The following UPP2 variants were observed in gnomAD, a reference collection of about 807,000 sequenced individuals.
The protein encoded by UPP2 is uridine phosphorylase 2.
UPP2 carries 23 observed loss-of-function variants against 26.7 expected under a neutral mutation model. The observed-to-expected ratio is 0.86, with a 90% CI of 0.62 to 1.22. The LOEUF (loss-of-function observed/expected upper bound fraction) is 1.22, where lower values mean the gene tolerates loss of function less well. Ranked by LOEUF, UPP2 falls within the 50% of genes most tolerant of loss-of-function variation. The pLI is 0.00. For missense variants in UPP2, 387 were observed against 396.7 expected, an observed-to-expected ratio of 0.98 and a Z score of 0.21; for synonymous variants, 127 against 141.3, an observed-to-expected ratio of 0.90 and a Z score of 0.72.
intron 3 of UPP2, among the ~76,000 whole-genome samples, chr2:158,025,783 G>C (rs1399436135): frequency 2.6e-5 from 4 of 152,234 alleles, no homozygotes; most frequent in Admixed American, 6.5e-5. Context: ...CTCCTGGCCA[G>C]AGCCTCACAC....
chr2:158,051,703 C>A (rs1271162443), intron 3 of UPP2, among the ~76,000 whole-genome samples: 2 of 152,060 alleles, frequency 1.3e-5, no homozygotes, highest in African/African-American at 4.8e-5. Flanking sequence ...ATCGCTTGAA[C>A]CCAGGAGGCG....
chr2:158,117,879 T>C lies in UPP2; in HGVS notation c.395T>C (p.Leu132Pro). The C allele has an allele frequency of 1.9e-6, 3 of 1,613,334 alleles. No homozygotes were observed. Among genetic ancestry groups the C allele is most frequent in the Non-Finnish European group, 2.5e-6 (3 of 1,179,326 alleles). ...ATGCTTCATGAACTCATCAAATTAC[T>C]CCACCATGCACGGTGCTGCGATGTC... ...SIMLHELIKL[L>P]HHARCCDVTI... The change falls in exon 4 of 7, where the codon CTC becomes CCC. Residue 132 changes from leucine (L) to proline (P), a missense_variant. By Grantham distance (98) the Leu-to-Pro change is moderately conservative. Transcript: ENST00000005756.
chr2:158,051,581 G>A (rs1682159712), intron 3 of UPP2, among the ~76,000 whole-genome samples: 1 of 152,118 alleles, frequency 6.6e-6, no homozygotes. Context: ...AGGAGTTCAA[G>A]ACCAGCCTGG....
At chr2:158,104,301 T>C (rs949659945) in intron 1 of UPP2, among the ~76,000 whole-genome samples, 1 of 152,018 alleles carries the variant, frequency 6.6e-6, no homozygotes, top group African/African-American at 2.4e-5. Flanking sequence ...AGAGGTAATA[T>C]TTGAATTGGA....
chr2:158,099,958 A>G (rs6746349), upstream of UPP2, among the ~76,000 whole-genome samples: 117,334 of 152,078 alleles, frequency 0.77, 46,486 homozygotes, highest in African/African-American at 0.94. Flanking sequence ...CCCAGTGGCC[A>G]GGTCTGAGTT....
At chr2:158,073,035 A>G (rs1682569427) in intron 3 of UPP2, among the ~76,000 whole-genome samples, 3 of 152,192 alleles carry the variant, frequency 2.0e-5, no homozygotes, top group Admixed American at 2.0e-4. Context: ...TCTTTCAGAC[A>G]GAGAATTCAA....
At chr2:158,117,213 G>A (rs79939608) in intron 3 of UPP2, among the ~76,000 whole-genome samples, 3,509 of 151,718 alleles carry the variant, frequency 0.023, 107 homozygotes, top group Non-Finnish European at 0.036. Context: ...TGGTGACATT[G>A]ATTCCACTGT....
At chr2:158,045,575 A>G (rs532673367) in intron 3 of UPP2, among the ~76,000 whole-genome samples, 2 of 152,284 alleles carry the variant, frequency 1.3e-5, no homozygotes, top group South Asian at 4.1e-4. Context: ...GGACGACTTC[A>G]TCAAGTTGTC....
chr2:158,026,982 C>G (rs1683842871), intron 3 of UPP2, among the ~76,000 whole-genome samples: 1 of 152,116 alleles, frequency 6.6e-6, no homozygotes, highest in Non-Finnish European at 1.5e-5. Flanking sequence ...GAAACTGCCC[C>G]CATGATTCAA....
At chr2:158,103,629 G>C (rs1039419020) in intron 1 of UPP2, among the ~76,000 whole-genome samples, 2 of 152,188 alleles carry the variant, frequency 1.3e-5, no homozygotes, top group African/African-American at 4.8e-5. Context: ...AAGTAGTCTT[G>C]GCAGAGTGAA....
chr2:158,010,462 G>C (rs1279696548), intron 2 of UPP2, among the ~76,000 whole-genome samples: 1 of 152,102 alleles, frequency 6.6e-6, no homozygotes, highest in Non-Finnish European at 1.5e-5. Flanking sequence ...TTGCATAACA[G>C]CCCCATCTTG....
At chr2:158,095,654 T>C (rs1223252673) in intron 3 of UPP2, among the ~76,000 whole-genome samples, 2 of 152,152 alleles carry the variant, frequency 1.3e-5, no homozygotes, top group Non-Finnish European at 2.9e-5. Context: ...CATCTGAAAA[T>C]TGGGGAAATA....
At chr2:158,056,393 T>C (rs1558916585) in intron 3 of UPP2, among the ~76,000 whole-genome samples, 1 of 152,192 alleles carries the variant, frequency 6.6e-6, no homozygotes, top group East Asian at 1.9e-4. Context: ...CAGATGTCTT[T>C]GTTTTGTTTA....
intron 3 of UPP2, among the ~76,000 whole-genome samples, chr2:158,019,513 T>A (rs1483166505): frequency 6.6e-6 from 1 of 152,076 alleles, no homozygotes; most frequent in East Asian, 1.9e-4. Flanking sequence ...TCCGTCACAA[T>A]CTGAAAATGG....
At chr2:157,995,309 G>T in intron 2 of UPP2, 1 of 1,584,734 alleles carries the variant, frequency 6.3e-7, no homozygotes, top group Non-Finnish European at 8.7e-7. Context: ...ACATGTGTCT[G>T]GTCATATTCC....
At chr2:158,123,309 C>T (rs981306375) in intron 5 of UPP2, among the ~76,000 whole-genome samples, 8 of 152,126 alleles carry the variant, frequency 5.3e-5, no homozygotes, top group Non-Finnish European at 1.5e-5. Flanking sequence ...GCGCAATGTC[C>T]AAACACTGTC....
chr2:158,115,738 T>C (rs771182778), intron 3 of UPP2, among the ~76,000 whole-genome samples: 2 of 152,222 alleles, frequency 1.3e-5, no homozygotes, highest in African/African-American at 2.4e-5. Flanking sequence ...TGAACAGTTA[T>C]GGAAGCACAC....
intron 3 of UPP2, among the ~76,000 whole-genome samples, chr2:158,079,583 A>T (rs1361485909): frequency 6.6e-6 from 1 of 152,212 alleles, no homozygotes; most frequent in African/African-American, 2.4e-5. Flanking sequence ...AAAAATTAAA[A>T]GGCGATTAAA....
chr2:158,102,245 A>T, intron 1 of UPP2, 120 bp downstream of exon 1: 1 of 991,118 alleles, frequency 1.0e-6, no homozygotes, highest in Non-Finnish European at 1.4e-6. Context: ...TAGAGATTAT[A>T]TCACTGGATG....
Sources: gnomAD v4.1 joint callset for allele counts (sites outside exome capture counted in the v4.1 genomes callset) on GRCh38, gnomAD v4.1.1 for gene constraint, MANE v1.5 for transcripts, NCBI Gene and HGNC (gene_info 2026-07-23, HGNC 2026-07-21) for gene names.